Variants in ADCK2 observed in about 807,000 individuals in gnomAD.
ADCK2 encodes the protein uncharacterized aarF domain-containing protein kinase 2.
A neutral mutation model predicts 52.3 loss-of-function variants in ADCK2; 37 were observed. The observed-to-expected ratio is 0.71, with a 90% CI of 0.54 to 0.93. ADCK2 has a LOEUF of 0.93. ADCK2 is among the 40% of genes least tolerant of loss of function. The pLI, the probability that ADCK2 is intolerant of heterozygous loss-of-function variation, is 0.00. For synonymous variants in ADCK2, 321 were observed against 349.2 expected, an observed-to-expected ratio of 0.92 and a Z score of 0.90; for missense variants, 695 against 798.7, an observed-to-expected ratio of 0.87 and a Z score of 1.56.
At chr7:140,691,568 A>G (rs1264838009) in intron 7 of ADCK2, among the ~76,000 whole-genome samples, 1 of 152,090 alleles carries the variant, frequency 6.6e-6, no homozygotes, top group African/African-American at 2.4e-5. Context: ...GCTGTAGTCC[A>G]TTAGAGGGAG....
chr7:140,674,635 C>G lies in ADCK2; in HGVS notation c.958C>G (p.Gln320Glu), dbSNP rs1235034063. 1.2e-6 allele frequency: 2 copies of G among 1,613,920 alleles called. No homozygotes were observed. The highest frequency in any genetic ancestry group is 1.7e-6 in the Non-Finnish European group (2 of 1,179,940). Residue 320 changes from glutamine to glutamate, a missense_variant, in exon 2 of 8, where the codon CAG becomes GAG. By Grantham distance (29) the Gln-to-Glu change is conservative. Coordinates refer to ENST00000072869, the MANE Select transcript of ADCK2 (RefSeq NM_052853.4). The surrounding 1 kb of genome is among the most constrained non-coding windows in gnomAD (Gnocchi z 4.6). ...GGTGTTGCACCCTGGCCTGCTCGCT[C>G]AGGTGCATATGGACCTGCTGCTGAT... ...VKVLHPGLLA[Q>E]VHMDLLLMKI...
In ADCK2 at chr7:140,673,307, G is replaced by T. The variant is rs989751757; in HGVS notation, c.-24G>T. 2.8e-6 allele frequency: 4 copies of T among 1,424,222 alleles called. No individual in the cohort carries two copies. Among genetic ancestry groups the T allele is most frequent in the South Asian group, 1.5e-5 (1 of 65,296 alleles). The allele number at this position is 1,424,222 out of a possible 1,614,324, so 88.2% of individuals were successfully genotyped here. A position where few individuals can be genotyped will look rare whatever the true frequency, so the allele number is the denominator to read the frequency against. On this transcript the variant is annotated 5_prime_UTR_variant, in exon 1 of 8. Coordinates refer to ENST00000072869, the MANE Select transcript of ADCK2 (RefSeq NM_052853.4). This position sits in a 1 kb window ranked among gnomAD's most constrained non-coding sequence, Gnocchi z 6.4. Reference sequence around the variant, plus strand: ...GCGCCTCTGAAGTGGAGGGCGGGCCGCCTGGGCCGCGGGCCTCGGGAGGAT... The same window carrying T: ...GCGCCTCTGAAGTGGAGGGCGGGCCTCCTGGGCCGCGGGCCTCGGGAGGAT...
In ADCK2 at chr7:140,674,327, C is replaced by T; in HGVS notation, c.933+64C>T. ...AGCTATCCCAGATCAGAAACAACCG[C>T]CATGCAAATCGCCCCCACGTTTATT... is the stretch of plus-strand genomic sequence containing the variant. On this transcript the variant is annotated intron_variant, in intron 1 of 7. Transcript: ENST00000072869. The surrounding 1 kb of genome is among the most constrained non-coding windows in gnomAD (Gnocchi z 4.6). The T allele has an allele frequency of 6.8e-7, 1 of 1,473,502 alleles. No homozygotes were observed. The highest frequency in any genetic ancestry group is 9.1e-7 in the Non-Finnish European group (1 of 1,093,708). 91.3% of individuals were successfully genotyped at this position (1,473,502 alleles called of 1,614,324 possible).
Position 140,693,720 on chromosome 7 carries a change from A to AT in ADCK2, c.1741-936dup, listed in dbSNP as rs1266872746. ...TTGTGTGTTGTCTCTGATTTTTTTT[A>AT]TTTTTTTGAGATGGAGTTTCACTCT... On this transcript the variant is annotated intron_variant, in intron 7 of 7. Transcript: ENST00000072869. The surrounding 1 kb of genome is among the most constrained non-coding windows in gnomAD (Gnocchi z 4.0). Among the ~76,000 whole-genome samples the AT allele has an allele frequency of 1.3e-5, 2 of 151,978 alleles. No homozygotes were observed. The highest frequency in any genetic ancestry group is 6.6e-5 in the Admixed American group (1 of 15,234).
rs199833545 is a variant in ADCK2 at position 140,687,125 on chromosome 7, C to G, written c.1441C>G (p.Pro481Ala). The G allele has an allele frequency of 1.5e-4, 236 of 1,613,780 alleles. No individual in the cohort carries two copies. Among genetic ancestry groups the G allele is most frequent in the Non-Finnish European group, 1.9e-4 (229 of 1,179,972 alleles). ...DICDTLVVAV[P>A]SSLCPLRLVL... The stretch of plus-strand genomic sequence containing the variant: ...CTGTGACACTCTGGTGGTGGCCGTG[C>G]CATCTTCCCTCTGCCCGCTGCGACT... Residue 481 changes from proline (P) to alanine (A), a missense_variant, in exon 5 of 8, where the codon CCA (proline) becomes GCA (alanine). Coordinates refer to ENST00000072869, the MANE Select transcript of ADCK2 (RefSeq NM_052853.4).
At chr7:140,694,569 GGGAGGC>G in intron 7 of ADCK2, 88 bp from the exon 8 acceptor site, 1 of 1,273,832 alleles carries the variant, frequency 7.9e-7, no homozygotes, top group Admixed American at 1.9e-5. Context: ...GCAGGTCTGA[GGGAGGC>G]TGAGAGTGGA....
At chr7:140,677,210 C>T (rs1794434904) in intron 2 of ADCK2, among the ~76,000 whole-genome samples, 1 of 152,126 alleles carries the variant, frequency 6.6e-6, no homozygotes, top group Non-Finnish European at 1.5e-5. Context: ...GAGTTCAAGA[C>T]CAGCCTGGCC....
At chr7:140,688,596 T>A (rs1429890695) in intron 5 of ADCK2, among the ~76,000 whole-genome samples, 1 of 152,232 alleles carries the variant, frequency 6.6e-6, no homozygotes, top group African/African-American at 2.4e-5. Context: ...CCAGCAAACA[T>A]CCAGCTGGTC....
intron 2 of ADCK2, among the ~76,000 whole-genome samples, chr7:140,675,325 A>AC (rs1482954107): frequency 7.2e-5 from 11 of 152,200 alleles, no homozygotes; most frequent in Non-Finnish European, 4.4e-5. Context: ...TATTTTAAAA[A>AC]CAGAGACAGG....
At chr7:140,677,021 T>TCAAACAAA (rs113170613) in intron 2 of ADCK2, among the ~76,000 whole-genome samples, 10,093 of 150,052 alleles carry the variant, frequency 0.067, 487 homozygotes, top group South Asian at 0.13. Flanking sequence ...AGATCCCATC[T>TCAAACAAA]CAAACAAACA....
intron 4 of ADCK2, among the ~76,000 whole-genome samples, chr7:140,685,306 C>T (rs777095562): frequency 4.6e-5 from 7 of 151,914 alleles, no homozygotes; most frequent in South Asian, 2.1e-4. Context: ...AAAAATTAGC[C>T]GGGTGTGGTG....
chr7:140,674,139 A>C lies in ADCK2; in HGVS notation c.809A>C (p.Gln270Pro), dbSNP rs1187510329. The C allele has an allele frequency of 6.2e-7, 1 of 1,614,128 alleles. No homozygotes were observed. The highest frequency in any genetic ancestry group is 1.7e-5 in the Admixed American group (1 of 60,018). ...GRKPPENLAD[Q>P]SFLERLLLPK... ...AAACCTCCAGAAAATCTCGCAGACCAGTCGTTTCTAGAAAGGCTGCTCCTC... is the reference window on the plus strand; with the variant it reads ...AAACCTCCAGAAAATCTCGCAGACCCGTCGTTTCTAGAAAGGCTGCTCCTC... The change falls in exon 1 of 8, where the codon CAG becomes CCG. Residue 270 changes from glutamine (Q) to proline (P), a missense_variant. Gln to Pro is a moderately conservative substitution (Grantham distance 76). Coordinates refer to ENST00000072869, the MANE Select transcript of ADCK2 (RefSeq NM_052853.4). The surrounding 1 kb of genome is among the most constrained non-coding windows in gnomAD (Gnocchi z 4.6).
Position 140,673,933 on chromosome 7 carries a change from G to A in ADCK2, c.603G>A (p.Glu201=), listed in dbSNP as rs917177022. 6.8e-6 allele frequency: 11 copies of A among 1,613,980 alleles called. No homozygotes were observed. Among genetic ancestry groups the A allele is most frequent in the Admixed American group, 1.7e-5 (1 of 60,026 alleles). The change falls in exon 1 of 8, where the codon GAG becomes GAA. Residue 201 remains glutamate, a synonymous_variant. Coordinates refer to ENST00000072869, the MANE Select transcript of ADCK2 (RefSeq NM_052853.4). The surrounding 1 kb of genome is among the most constrained non-coding windows in gnomAD (Gnocchi z 6.4). ...ACTGGGGGAGCATCCTCTCTTTTGA[G>A]AACCGGGAACCTGTGGGCTCAGGCT... ...GDDWGSILSF[E]NREPVGSGCV...
At chr7:140,680,532 A>C (rs1416381183) in intron 3 of ADCK2, among the ~76,000 whole-genome samples, 1 of 150,650 alleles carries the variant, frequency 6.6e-6, no homozygotes, top group African/African-American at 2.4e-5. Flanking sequence ...CCCAGAAACC[A>C]GCTCTCTGGT....
intron 5 of ADCK2, 148 bp downstream of exon 5, chr7:140,687,389 G>A (rs1794624072): frequency 1.8e-6 from 2 of 1,085,198 alleles, no homozygotes; most frequent in Non-Finnish European, 2.6e-6. Context: ...AGGCCAGCCT[G>A]AGCAACATAG....
intron 3 of ADCK2, 120 bp downstream of exon 3, chr7:140,679,403 G>A: frequency 7.0e-7 from 1 of 1,432,902 alleles, no homozygotes; most frequent in Non-Finnish European, 9.5e-7. Flanking sequence ...GTAAAACTGT[G>A]AGGAGCTGGG....
Position 140,673,350 on chromosome 7 carries a change from T to A in ADCK2, c.20T>A (p.Val7Asp). 6.8e-7 allele frequency: 1 copy of A among 1,465,082 alleles called. No homozygotes were observed. The allele number at this position is 1,465,082 out of a possible 1,614,324, so 90.8% of individuals were successfully genotyped here. A position where few individuals can be genotyped will look rare whatever the true frequency, so the allele number is the denominator to read the frequency against. MVAPWRVSVRVCLSHLR... is the reference protein window; with the variant it reads MVAPWRDSVRVCLSHLR... ...GGGAGGATGGTGGCGCCCTGGCGCGTCTCCGTCAGGGTTTGCCTGTCGCAC... is the reference window on the plus strand; with the variant it reads ...GGGAGGATGGTGGCGCCCTGGCGCGACTCCGTCAGGGTTTGCCTGTCGCAC... The change falls in exon 1 of 8, where the codon GTC (valine) becomes GAC (aspartate). Residue 7 changes from valine to aspartate, a missense_variant. Transcript: ENST00000072869. This position sits in a 1 kb window ranked among gnomAD's most constrained non-coding sequence, Gnocchi z 6.4.
At chr7:140,684,386 T>C (rs946427524) in intron 4 of ADCK2, among the ~76,000 whole-genome samples, 9 of 152,154 alleles carry the variant, frequency 5.9e-5, no homozygotes, top group Non-Finnish European at 1.2e-4. Context: ...TCGTTGGCAG[T>C]AATCGTGACC....
rs2130794428 is a variant in ADCK2, at chr7:140,693,155, C to T, written c.1741-1508C>T. On this transcript the variant is annotated intron_variant, in intron 7 of 7. Coordinates refer to ENST00000072869, the MANE Select transcript of ADCK2 (RefSeq NM_052853.4). This position sits in a 1 kb window ranked among gnomAD's most constrained non-coding sequence, Gnocchi z 4.0. ...TTAGAAGAAATATCTATTCAGGTAG[C>T]ACTTAATTTTTTTAAATAAAGTATT... Among the ~76,000 whole-genome samples the T allele has an allele frequency of 6.6e-6, 1 of 152,304 alleles. No individual in the cohort carries two copies. Among genetic ancestry groups the T allele is most frequent in the South Asian group, 2.1e-4 (1 of 4,834 alleles).
Sources: allele counts gnomAD v4.1 joint callset (sites outside exome capture counted in the v4.1 genomes callset), GRCh38; gene constraint gnomAD v4.1.1; non-coding constraint Gnocchi (gnomAD v3.1); transcripts MANE v1.5; gene names NCBI Gene and HGNC (gene_info 2026-07-23, HGNC 2026-07-21).